Variants in NAV2 observed in about 807,000 individuals in gnomAD.
NAV2 encodes neuron navigator 2.
In NAV2, 54 loss-of-function variants were observed where a neutral mutation model predicts 223.2. The ratio of observed to expected loss-of-function variants is 0.24; its 90% CI spans 0.19 to 0.30. The LOEUF (loss-of-function observed/expected upper bound fraction) is 0.30, where lower values mean the gene tolerates loss of function less well. NAV2 is among the 10% of genes least tolerant of loss of function. The pLI is 1.00. For missense variants in NAV2, 2,806 were observed against 3,147.5 expected, an observed-to-expected ratio of 0.89 and a Z score of 2.60; for synonymous variants, 1,279 against 1,239.3, an observed-to-expected ratio of 1.03 and a Z score of -0.67.
intron 1 of NAV2, among the ~76,000 whole-genome samples, chr11:19,526,135 T>C (rs2043836099): frequency 6.6e-6 from 1 of 152,166 alleles, no homozygotes; most frequent in Admixed American, 6.5e-5. Context: ...CTTTCTGCCT[T>C]GTCTTTTTAA....
intron 11 of NAV2, among the ~76,000 whole-genome samples, chr11:20,012,915 A>G (rs1273789017): frequency 6.6e-6 from 1 of 152,148 alleles, no homozygotes; most frequent in East Asian, 1.9e-4. Context: ...ATCTTACTTA[A>G]CCCACTGCTC....
chr11:19,482,349 G>A (rs1436601816), intron 1 of NAV2, among the ~76,000 whole-genome samples: 1 of 152,156 alleles, frequency 6.6e-6, no homozygotes, highest in East Asian at 1.9e-4. Flanking sequence ...AGAATATGCT[G>A]CTGAATTAGT....
intron 1 of NAV2, among the ~76,000 whole-genome samples, chr11:19,829,084 C>A (rs556722206): frequency 8.1e-4 from 124 of 152,300 alleles, no homozygotes; most frequent in Non-Finnish European, 1.6e-3. Context: ...TTTTAAAGAA[C>A]CTTAATCATC....
At chr11:19,366,293 A>G (rs868451472) in intron 1 of NAV2, among the ~76,000 whole-genome samples, 10 of 152,230 alleles carry the variant, frequency 6.6e-5, no homozygotes, top group South Asian at 6.2e-4. Flanking sequence ...GCACCCAAAG[A>G]CTGTGCCCCT....
At chr11:19,885,353 C>T (rs920224145) in intron 5 of NAV2, among the ~76,000 whole-genome samples, 13 of 152,222 alleles carry the variant, frequency 8.5e-5, no homozygotes, top group Admixed American at 2.0e-4. Context: ...CCCTCTCCTT[C>T]AATTCTGGTA....
intron 10 of NAV2, among the ~76,000 whole-genome samples, chr11:19,970,553 T>G (rs1338096562): frequency 6.6e-6 from 1 of 152,166 alleles, no homozygotes; most frequent in Non-Finnish European, 1.5e-5. Flanking sequence ...AAGGCACAGT[T>G]ATAGGGACTG....
intron 10 of NAV2, among the ~76,000 whole-genome samples, chr11:19,973,946 A>G (rs1470045268): frequency 6.6e-6 from 1 of 152,228 alleles, no homozygotes; most frequent in Non-Finnish European, 1.5e-5. Flanking sequence ...CTATGAGACC[A>G]TGAGTCACTT....
chr11:19,345,649 G>C, the NAV2 span, among the ~76,000 whole-genome samples: 35,880 of 152,208 alleles, frequency 0.24, 5,375 homozygotes, highest in East Asian at 0.55. The surrounding 1 kb of genome is among the most constrained non-coding windows in gnomAD (Gnocchi z 5.2). Context: ...TCACAGATGC[G>C]CTGGGAAACT....
At chr11:20,028,716 G>A (rs910532479) in intron 11 of NAV2, among the ~76,000 whole-genome samples, 5 of 152,190 alleles carry the variant, frequency 3.3e-5, no homozygotes, top group African/African-American at 1.2e-4. Flanking sequence ...GGGGGAAAAT[G>A]GGGGTGGAAT....
intron 1 of NAV2, among the ~76,000 whole-genome samples, chr11:19,528,632 A>AT (rs1329066954): frequency 1.3e-5 from 2 of 152,064 alleles, no homozygotes; most frequent in African/African-American, 2.4e-5. Context: ...AGTGGTTCCC[A>AT]TTTTTTAAGA....
rs1447634998 is a variant in NAV2, at chr11:19,350,917, A to G, written c.-36A>G. 3.9e-6 allele frequency: 6 copies of G among 1,547,064 alleles called. No individual in the cohort carries two copies. In the East Asian group the frequency reaches 1.2e-4, roughly 32 times the overall value. ...TTTGTTCCTCTGTGGATTTGGAAGC[A>G]TCGCTGAAGGAGAGAGAGGATTTTA... On this transcript the variant is annotated 5_prime_UTR_variant, in exon 1 of 38. Coordinates refer to the NAV2 transcript ENST00000360655.
Position 19,471,846 on chromosome 11 carries a change from G to A in NAV2, c.75+120819G>A, listed in dbSNP as rs576493956. Among the ~76,000 whole-genome samples the A allele has an allele frequency of 2.6e-5, 4 of 152,208 alleles. No individual in the cohort carries two copies. In the East Asian group the frequency reaches 7.8e-4, roughly 30 times the overall value. On this transcript the variant is annotated intron_variant, in intron 1 of 37. Coordinates refer to the NAV2 transcript ENST00000360655. ...CACCAGAGCCTTGGCTGCTCCAATT[G>A]ACTTCACCCCACTGCTATTCCCACA...
At chr11:19,577,688 C>T (rs897654129) in intron 1 of NAV2, among the ~76,000 whole-genome samples, 2 of 148,490 alleles carry the variant, frequency 1.3e-5, no homozygotes, top group South Asian at 2.3e-4. Flanking sequence ...CAGCCTAACT[C>T]GGGAGCCAGC....
chr11:19,580,206 C>A (rs949850915), intron 1 of NAV2, among the ~76,000 whole-genome samples: 2 of 152,128 alleles, frequency 1.3e-5, no homozygotes, highest in Non-Finnish European at 2.9e-5. Context: ...AGAGCCACAG[C>A]CAGTTGTCAC....
intron 1 of NAV2, among the ~76,000 whole-genome samples, chr11:19,421,404 A>G (rs1161220998): frequency 6.6e-6 from 1 of 152,214 alleles, no homozygotes; most frequent in Non-Finnish European, 1.5e-5. Context: ...CGAGACTCAC[A>G]GAGCATTTCC....
chr11:19,855,997 A>T (rs1010454770), intron 3 of NAV2, among the ~76,000 whole-genome samples: 1 of 152,176 alleles, frequency 6.6e-6, no homozygotes, highest in Admixed American at 6.5e-5. Flanking sequence ...GGGTGGGTGG[A>T]GGGAGACTTC....
At chr11:19,681,013 A>G (rs907342055) in intron 1 of NAV2, among the ~76,000 whole-genome samples, 5 of 152,268 alleles carry the variant, frequency 3.3e-5, no homozygotes, top group African/African-American at 1.2e-4. Context: ...AGCATTTTAC[A>G]TTAAGTAATT....
intron 5 of NAV2, among the ~76,000 whole-genome samples, chr11:19,885,940 G>A (rs2040927744): frequency 6.6e-6 from 1 of 152,108 alleles, no homozygotes; most frequent in Non-Finnish European, 1.5e-5. Context: ...TGCTCACTCT[G>A]TTACCCAGGC....
At chr11:19,775,346 C>T (rs2056077691) in intron 1 of NAV2, among the ~76,000 whole-genome samples, 1 of 152,114 alleles carries the variant, frequency 6.6e-6, no homozygotes, top group Admixed American at 6.5e-5. Context: ...ATAGAAGGGC[C>T]TCTTGTAGTC....
Sources: gnomAD v4.1 joint callset for allele counts (sites outside exome capture counted in the v4.1 genomes callset) on GRCh38, gnomAD v4.1.1 for gene constraint, Gnocchi (gnomAD v3.1) non-coding constraint, MANE v1.5 for transcripts, NCBI Gene and HGNC (gene_info 2026-07-23, HGNC 2026-07-21) for gene names.